PFDN4: variants seen among roughly 807,000 people sequenced by gnomAD.
PFDN4 encodes prefoldin 4.
Under a neutral mutation model 17.6 loss-of-function variants are expected in PFDN4, and 6 were observed. That is an observed-to-expected ratio of 0.34 (90% CI 0.19 to 0.67). PFDN4 has a LOEUF of 0.67. Among genes scored for constraint, PFDN4 ranks in the 30% least tolerant of loss-of-function variants. The pLI is 0.68. For synonymous variants in PFDN4, 48 were observed against 51.1 expected (o/e 0.94, Z 0.26); for missense variants, 119 against 158.4 (o/e 0.75, Z 1.33).
Position 54,219,221 on chromosome 20 carries a change from C to A in PFDN4, c.*71C>A. ...GTTTAAAATGATAATTTTCCTTCTTCAAATGACATGGAAAGCAAAACTTTC... is the reference window on the plus strand; with the variant it reads ...GTTTAAAATGATAATTTTCCTTCTTAAAATGACATGGAAAGCAAAACTTTC... On this transcript the variant is annotated 3_prime_UTR_variant, in exon 4 of 4. Coordinates refer to ENST00000371419, the MANE Select transcript of PFDN4 (RefSeq NM_002623.4). 2 of 983,732 alleles carry A rather than the reference C, an allele frequency of 2.0e-6. No individual in the cohort carries two copies. The highest frequency in any genetic ancestry group is 1.4e-6 in the Non-Finnish European group (1 of 703,838). The allele number at this position is 983,732 out of a possible 1,614,324, so 60.9% of individuals were successfully genotyped here.
intron 1 of PFDN4, 98 bp downstream of exon 1, chr20:54,208,222 C>G: frequency 8.7e-7 from 1 of 1,153,212 alleles, no homozygotes; most frequent in Non-Finnish European, 1.2e-6. Flanking sequence ...GCTCCGAAGC[C>G]CGGCGTGGGA....
At chr20:54,218,912 A>G in intron 3 of PFDN4, 107 bp from the exon 4 acceptor site, 1 of 690,496 alleles carries the variant, frequency 1.4e-6, no homozygotes, top group Non-Finnish European at 2.4e-6. Context: ...TGCCTGTCCA[A>G]GTTTAGAAGG....
chr20:54,212,589 G>A (rs1310345018), intron 1 of PFDN4, among the ~76,000 whole-genome samples: 2 of 152,256 alleles, frequency 1.3e-5, no homozygotes, highest in Admixed American at 1.3e-4. Context: ...CAGAAACCAT[G>A]TATTAGCCTT....
In PFDN4 at chr20:54,219,098, A is replaced by G; in HGVS notation, c.353A>G (p.Gln118Arg). 1 of 1,592,902 alleles carries G rather than the reference A, an allele frequency of 6.3e-7. No individual in the cohort carries two copies. The highest frequency in any genetic ancestry group is 1.1e-5 in the South Asian group (1 of 87,980). Residue 118 changes from glutamine to arginine, a missense_variant, in exon 4 of 4, where the codon CAG (glutamine) becomes CGG (arginine). Transcript: ENST00000371419. ...IQRVLADLKV[Q>R]LYAKFGSNIN... ...CGAGTGTTAGCAGATTTGAAAGTTC[A>G]GTTGTATGCAAAATTCGGGAGCAAC... is the stretch of plus-strand genomic sequence containing the variant.
chr20:54,211,825 G>A (rs567257694), intron 1 of PFDN4, among the ~76,000 whole-genome samples: 8 of 152,142 alleles, frequency 5.3e-5, no homozygotes, highest in Non-Finnish European at 8.8e-5. Flanking sequence ...TACTATACAT[G>A]CCATTTTGCA....
intron 1 of PFDN4, chr20:54,208,744 A>G (rs2146537202): frequency 6.6e-6 from 1 of 152,412 alleles, no homozygotes; most frequent in Non-Finnish European, 1.5e-5. Flanking sequence ...TTTATTGAGA[A>G]TGGAAGATGT....
chr20:54,208,888 A>G (rs1473303642), intron 1 of PFDN4: 1 of 152,262 alleles, frequency 6.6e-6, no homozygotes, highest in Non-Finnish European at 1.5e-5. Flanking sequence ...CTCAGCTAGT[A>G]AGAAGCAGAG....
chr20:54,214,273 GTTA>G (rs931731845), intron 1 of PFDN4, 75 bp from the exon 2 acceptor site: 4 of 742,086 alleles, frequency 5.4e-6, no homozygotes, highest in African/African-American at 5.4e-5. Flanking sequence ...GGCTTATTGA[GTTA>G]TTGTTGAGAA....
chr20:54,211,975 C>G (rs2092756449), intron 1 of PFDN4, among the ~76,000 whole-genome samples: 1 of 152,074 alleles, frequency 6.6e-6, no homozygotes, highest in African/African-American at 2.4e-5. Flanking sequence ...GGTGGATCAC[C>G]TGAGGTTAGG....
chr20:54,208,374 C>T (rs1198683152), intron 1 of PFDN4: 4 of 426,462 alleles, frequency 9.4e-6, no homozygotes, highest in African/African-American at 6.3e-5. Flanking sequence ...GACGCAGGTC[C>T]GCCTCCCGCG....
At chr20:54,211,229 A>T (rs529735259) in intron 1 of PFDN4, among the ~76,000 whole-genome samples, 1 of 152,366 alleles carries the variant, frequency 6.6e-6, no homozygotes, top group African/African-American at 2.4e-5. Context: ...CTGTCAGTGC[A>T]GACTCCGTGT....
Position 54,219,192 on chromosome 20 carries a change from T to C in PFDN4, c.*42T>C. ...TTTTTATTTGTTTAATAAACTTGAA[T>C]ATTGTTTAAAATGATAATTTTCCTT... On this transcript the variant is annotated 3_prime_UTR_variant, in exon 4 of 4. Transcript: ENST00000371419. 1 of 1,173,088 alleles carries C rather than the reference T, an allele frequency of 8.5e-7. No individual in the cohort carries two copies. The highest frequency in any genetic ancestry group is 1.2e-6 in the Non-Finnish European group (1 of 854,716). 72.7% of individuals were successfully genotyped at this position (1,173,088 alleles called of 1,614,324 possible).
At position 54,219,663 on chromosome 20, in the gene PFDN4, CA is replaced by C. The variant is rs1182943882; in HGVS notation, c.*514del. 2.5e-6 allele frequency: 1 copy of C among 397,368 alleles called. No homozygotes were observed. Among genetic ancestry groups the C allele is most frequent in the Non-Finnish European group, 4.4e-6 (1 of 225,650 alleles). The allele number at this position is 397,368 out of a possible 1,614,324, so 24.6% of individuals were successfully genotyped here. On this transcript the variant is annotated 3_prime_UTR_variant, in exon 4 of 4. Transcript: ENST00000371419. The stretch of plus-strand genomic sequence containing the variant: ...ATTATATTTAAACATACATATTTAA[CA>C]TTTTTTACATATCTATCAATATCAG...
intron 1 of PFDN4, among the ~76,000 whole-genome samples, chr20:54,213,329 T>C (rs2092758438): frequency 6.6e-6 from 1 of 152,236 alleles, no homozygotes; most frequent in South Asian, 2.1e-4. Context: ...TTTTTAAAAA[T>C]ATATGGTACC....
chr20:54,215,128 C>A (rs1313862571), intron 2 of PFDN4, among the ~76,000 whole-genome samples, 172 bp from the exon 3 acceptor site: 1 of 152,190 alleles, frequency 6.6e-6, no homozygotes, highest in African/African-American at 2.4e-5. Context: ...GCTCTAAGTG[C>A]TTGCTTGTGA....
In PFDN4 at chr20:54,217,483, C is replaced by T. The variant is rs985887236; in HGVS notation, c.274-1536C>T. 3.3e-5 allele frequency among the ~76,000 whole-genome samples: 5 copies of T among 152,310 alleles called. 1 individual carries two copies. On this transcript the variant is annotated intron_variant, in intron 3 of 3. Coordinates refer to ENST00000371419, the MANE Select transcript of PFDN4 (RefSeq NM_002623.4). Reference sequence around the variant, plus strand: ...GTCTTAGCAGGGGTCAGCAAACTTTCTGTGAAGGGCCAGAAGTAAATACGT... The same window carrying T: ...GTCTTAGCAGGGGTCAGCAAACTTTTTGTGAAGGGCCAGAAGTAAATACGT...
intron 2 of PFDN4, 112 bp downstream of exon 2, chr20:54,214,570 T>C (rs1156496817): frequency 3.5e-6 from 2 of 576,834 alleles, no homozygotes; most frequent in Admixed American, 6.7e-5. Flanking sequence ...TGCAGATGAA[T>C]GACGCGATCC....
intron 1 of PFDN4, chr20:54,208,802 A>G (rs1334866969): frequency 6.6e-6 from 1 of 152,384 alleles, no homozygotes; most frequent in Non-Finnish European, 1.5e-5. Context: ...CCCGCAACTC[A>G]GCAAGTGCAA....
chr20:54,215,280 T>G lies in PFDN4; in HGVS notation c.133-20T>G. Reference sequence around the variant, plus strand: ...TCAGAGAACTTTGAGTACATTTTCTTTGCCATTTTGCATTTATAGAAACAA... The same window carrying G: ...TCAGAGAACTTTGAGTACATTTTCTGTGCCATTTTGCATTTATAGAAACAA... On this transcript the variant is annotated intron_variant, in intron 2 of 3. Coordinates refer to ENST00000371419, the MANE Select transcript of PFDN4 (RefSeq NM_002623.4). 1 of 1,546,084 alleles carries G rather than the reference T, an allele frequency of 6.5e-7. No homozygotes were observed. The highest frequency in any genetic ancestry group is 8.8e-7 in the Non-Finnish European group (1 of 1,140,910).
Sources: allele counts gnomAD v4.1 joint callset (sites outside exome capture counted in the v4.1 genomes callset), GRCh38; gene constraint gnomAD v4.1.1; transcripts MANE v1.5; gene names NCBI Gene and HGNC (gene_info 2026-07-23, HGNC 2026-07-21).